The following THOC6 variants were observed in gnomAD, a reference collection of about 807,000 sequenced individuals.
THOC6 encodes the protein THO complex 6.
In THOC6, 39 loss-of-function variants were observed where a neutral mutation model predicts 55.8. That is an observed-to-expected ratio of 0.70 (90% CI 0.54 to 0.91). The LOEUF is 0.91. THOC6 is among the 40% of genes least tolerant of loss of function. The pLI is 0.00. For missense variants in THOC6, 482 were observed against 442.0 expected (o/e 1.09, Z -0.81); for synonymous variants, 192 against 175.6 (o/e 1.09, Z -0.74).
At position 3,027,415 on chromosome 16, in the gene THOC6, G is replaced by T. The variant is rs1238646019; in HGVS notation, c.860G>T (p.Gly287Val). Residue 287 changes from glycine to valine, a missense_variant, in exon 12 of 13, where the codon GGG (glycine) becomes GTG (valine). Transcript: ENST00000326266. ...TGCGTCAACCAGTGGCAGCTGAGCG[G>T]GGAGCTGAAGGCCCAGGTGCCTGGC... The part of the protein sequence containing the change: ...GRCVNQWQLS[G>V]ELKAQVPGSS... 1 of 1,612,374 alleles carries T rather than the reference G, an allele frequency of 6.2e-7. No homozygotes were observed. The highest frequency in any genetic ancestry group is 1.3e-5 in the African/African-American group (1 of 75,070).
intron 8 of THOC6, 24 bp from the exon 9 acceptor site, chr16:3,026,843 C>G: frequency 1.2e-6 from 2 of 1,614,144 alleles, no homozygotes; most frequent in Non-Finnish European, 1.7e-6. Flanking sequence ...AAGTGGGGCA[C>G]CACTCACAGT....
chr16:3,025,837 C>T lies in THOC6; in HGVS notation c.155+14C>T. On this transcript the variant is annotated intron_variant, in intron 2 of 12. Coordinates refer to ENST00000326266, the MANE Select transcript of THOC6 (RefSeq NM_024339.5). The stretch of plus-strand genomic sequence containing the variant: ...TGCCATCTTCAGGTACCCTCTGCCG[C>T]TGTCCACCCATTAGCCCTGGCACTT... The T allele has an allele frequency of 6.2e-7, 1 of 1,614,178 alleles. No homozygotes were observed. Among genetic ancestry groups the T allele is most frequent in the Non-Finnish European group, 8.5e-7 (1 of 1,179,982 alleles).
rs1567415080 is a variant in THOC6 at position 3,025,924 on chromosome 16, C to G, written c.156C>G (p.Ser52Arg). Residue 52 changes from serine (S) to arginine (R), a missense_variant and splice_region_variant, in exon 3 of 13, where the codon AGC becomes AGG. Coordinates refer to ENST00000326266, the MANE Select transcript of THOC6 (RefSeq NM_024339.5). ...TGGGTCCCCTCCGCTGTCCCTGCAG[C>G]TTGTCCTCTGCTTTGAGCTCAGAAG... ...GNNYGQIAIF[S>R]LSSALSSEAK... is the part of the protein sequence containing the mutation. 1 of 1,614,232 alleles carries G rather than the reference C, an allele frequency of 6.2e-7. No homozygotes were observed. The highest frequency in any genetic ancestry group is 8.5e-7 in the Non-Finnish European group (1 of 1,180,048).
Position 3,026,552 on chromosome 16 carries a change from T to C in THOC6, c.448T>C (p.Leu150=). 1.9e-6 allele frequency: 3 copies of C among 1,614,056 alleles called. No individual in the cohort carries two copies. The part of the protein sequence containing the change: ...SLILAGGDCQ[L]HTMDLETGTF... ...CATCCTGGCTGGGGGAGACTGTCAG[T>C]TGCACACTATGGACCTTGAAACTGG... Residue 150 remains leucine, a synonymous_variant, in exon 7 of 13, where the codon TTG becomes CTG. Transcript: ENST00000326266.
At chr16:3,024,485 A>T in intron 1 of THOC6, 120 bp downstream of exon 1, 1 of 1,276,514 alleles carries the variant, frequency 7.8e-7, no homozygotes, top group Non-Finnish European at 1.1e-6. Context: ...TGGGACTCAG[A>T]CTCTGACCAG....
intron 1 of THOC6, among the ~76,000 whole-genome samples, chr16:3,024,926 C>T (rs1024413313): frequency 1.4e-5 from 2 of 148,020 alleles, no homozygotes; most frequent in Admixed American, 6.8e-5. Context: ...TGAGCCACCA[C>T]GCCCGGCCAA....
intron 11 of THOC6, 21 bp from the exon 12 acceptor site, chr16:3,027,345 C>T (rs529985228): frequency 1.9e-6 from 3 of 1,613,762 alleles, no homozygotes; most frequent in Admixed American, 1.7e-5. Context: ...GACCCCTGAG[C>T]ACCTTCCCTG....
At chr16:3,025,521 A>G (rs2072763740) in intron 1 of THOC6, among the ~76,000 whole-genome samples, 187 bp from the exon 2 acceptor site, 1 of 152,202 alleles carries the variant, frequency 6.6e-6, no homozygotes, top group South Asian at 2.1e-4. Flanking sequence ...CCCCTTCTTC[A>G]GTGTCTTCTT....
chr16:3,027,499 A>G lies in THOC6; in HGVS notation c.944A>G (p.Lys315Arg), dbSNP rs761447810. The G allele has an allele frequency of 4.3e-6, 7 of 1,611,438 alleles. No individual in the cohort carries two copies. The highest frequency in any genetic ancestry group is 3.3e-5 in the South Asian group (3 of 90,976). Residue 315 changes from lysine to arginine, a missense_variant and splice_region_variant, in exon 12 of 13, where the codon AAG (lysine) becomes AGG (arginine). By Grantham distance (26) the Lys-to-Arg change is conservative (BLOSUM62 2). Transcript: ENST00000326266. ...LNQQPAAPEC[K>R]VLTAAGNSCR... ...CAGCAGCCTGCCGCGCCTGAGTGCA[A>G]GGTGGGTCCGGCAGGGGCCGCGGAG...
rs1358055462 is a variant in THOC6 at position 3,025,911 on chromosome 16, G to A, written c.156-13G>A. On this transcript the variant is annotated splice_polypyrimidine_tract_variant and intron_variant, in intron 2 of 12. Transcript: ENST00000326266. ...CGTTTCTGACTCCTGGGTCCCCTCCGCTGTCCCTGCAGCTTGTCCTCTGCT... is the reference window on the plus strand; with the variant it reads ...CGTTTCTGACTCCTGGGTCCCCTCCACTGTCCCTGCAGCTTGTCCTCTGCT... The A allele has an allele frequency of 7.4e-6, 12 of 1,614,168 alleles. No homozygotes were observed. Among genetic ancestry groups the A allele is most frequent in the African/African-American group, 2.7e-5 (2 of 75,036 alleles).
intron 1 of THOC6, among the ~76,000 whole-genome samples, chr16:3,025,445 T>C (rs2151134238): frequency 6.6e-6 from 1 of 152,370 alleles, no homozygotes; most frequent in Middle Eastern, 3.4e-3. Flanking sequence ...CATTTGTCAG[T>C]TGAGGAAGCT....
In THOC6 at chr16:3,027,289, C is replaced by T. The variant is rs1198719141; in HGVS notation, c.810+9C>T. 2.5e-6 allele frequency: 4 copies of T among 1,614,054 alleles called. No individual in the cohort carries two copies. In the Admixed American group the frequency reaches 6.7e-5, roughly 27 times the overall value. ...CCTTCTACCAGGACCTGGTGAGGCC[C>T]TGTGTCTCACTTCTGCCACCCCCAC... On this transcript the variant is annotated intron_variant, in intron 11 of 12. Coordinates refer to ENST00000326266, the MANE Select transcript of THOC6 (RefSeq NM_024339.5).
intron 5 of THOC6, 38 bp downstream of exon 5, chr16:3,026,326 G>A (rs1281755756): frequency 6.2e-7 from 1 of 1,613,928 alleles, no homozygotes; most frequent in African/African-American, 1.3e-5. Flanking sequence ...GCATCAGGGT[G>A]AAGCCACTTC....
rs1044067591 is a variant in THOC6, at chr16:3,026,726, G to A, written c.531G>A (p.Arg177=). 3.1e-6 allele frequency: 5 copies of A among 1,613,946 alleles called. No individual in the cohort carries two copies. Among genetic ancestry groups the A allele is most frequent in the Admixed American group, 3.3e-5 (2 of 59,990 alleles). ...HTDYIHCLAL[R]ERSPEVLSGG... ...ACTACATCCACTGCCTGGCACTGCG[G>A]GAAAGGAGCCCAGAGGTGCTGTCAG... The change falls in exon 8 of 13, where the codon CGG becomes CGA. Residue 177 remains arginine, a synonymous_variant. Coordinates refer to ENST00000326266, the MANE Select transcript of THOC6 (RefSeq NM_024339.5).
At position 3,026,116 on chromosome 16, in the gene THOC6, GC is replaced by G; in HGVS notation, c.275del (p.Ala92ValfsTer6). The G allele has an allele frequency of 6.2e-7, 1 of 1,609,114 alleles. No individual in the cohort carries two copies. The highest frequency in any genetic ancestry group is 8.5e-7 in the Non-Finnish European group (1 of 1,176,434). On this transcript the variant is annotated frameshift_variant, in exon 4 of 13. Coordinates refer to ENST00000326266, the MANE Select transcript of THOC6 (RefSeq NM_024339.5). LOFTEE classifies it high-confidence loss of function. ...MVSTDRHLLS[A>X]GDGEVKAWLW... ...TTCCACCGATCGACATCTGCTTAGT[GC>G]TGGGGATGGGGAGGTGAAGGCCTGG...
intron 1 of THOC6, 89 bp from the exon 2 acceptor site, chr16:3,025,619 C>A: frequency 8.1e-7 from 1 of 1,235,418 alleles, no homozygotes. Context: ...CAGTGGGAGG[C>A]CTGGCAGGTT....
chr16:3,026,117 C>T lies in THOC6; in HGVS notation c.275C>T (p.Ala92Val). The change falls in exon 4 of 13, where the codon GCT (alanine) becomes GTT (valine). Residue 92 changes from alanine to valine, a missense_variant. Ala to Val is a moderately conservative substitution (Grantham distance 64, BLOSUM62 0). Transcript: ENST00000326266. ...TCCACCGATCGACATCTGCTTAGTG[C>T]TGGGGATGGGGAGGTGAAGGCCTGG... is the stretch of plus-strand genomic sequence containing the variant. The part of the protein sequence containing the change: ...MVSTDRHLLS[A>V]GDGEVKAWLW... 6.2e-7 allele frequency: 1 copy of T among 1,608,550 alleles called. No individual in the cohort carries two copies. The highest frequency in any genetic ancestry group is 8.5e-7 in the Non-Finnish European group (1 of 1,176,102).
chr16:3,024,260 T>A lies in THOC6; in HGVS notation c.-67T>A. 1.2e-5 allele frequency: 19 copies of A among 1,602,954 alleles called. No individual in the cohort carries two copies. The highest frequency in any genetic ancestry group is 1.6e-5 in the Non-Finnish European group (19 of 1,170,494). On this transcript the variant is annotated 5_prime_UTR_variant, in exon 1 of 13. Coordinates refer to ENST00000326266, the MANE Select transcript of THOC6 (RefSeq NM_024339.5). Reference sequence around the variant, plus strand: ...GTAGGGCGCCACGGAGAGGAACCGCTCTAGGCACGTAAGGCCTCGTGAGGT... The same window carrying A: ...GTAGGGCGCCACGGAGAGGAACCGCACTAGGCACGTAAGGCCTCGTGAGGT...
chr16:3,024,055 G>T lies in THOC6; in HGVS notation c.-272G>T, dbSNP rs1315107592. On this transcript the variant is annotated 5_prime_UTR_variant, in exon 1 of 13. Coordinates refer to ENST00000326266, the MANE Select transcript of THOC6 (RefSeq NM_024339.5). Reference sequence around the variant, plus strand: ...CGGGCACAGCCGCGAGGTTCTGCGCGGGCGCGGAAGACGGGCGGCGCGTGG... The same window carrying T: ...CGGGCACAGCCGCGAGGTTCTGCGCTGGCGCGGAAGACGGGCGGCGCGTGG... The T allele has an allele frequency of 2.2e-5, 20 of 902,510 alleles. No individual in the cohort carries two copies. The highest frequency in any genetic ancestry group is 3.0e-5 in the Non-Finnish European group (18 of 606,940). The allele number at this position is 902,510 out of a possible 1,614,324, so 55.9% of individuals were successfully genotyped here. A position where few individuals can be genotyped will look rare whatever the true frequency, so the allele number is the denominator to read the frequency against.
Sources: allele counts gnomAD v4.1 joint callset (sites outside exome capture counted in the v4.1 genomes callset), GRCh38; gene constraint gnomAD v4.1.1; transcripts MANE v1.5; gene names NCBI Gene and HGNC (gene_info 2026-07-23, HGNC 2026-07-21).